Variants in PAQR6 observed in about 807,000 individuals in gnomAD.
The protein encoded by PAQR6 is membrane progestin receptor delta.
PAQR6 carries 34 observed loss-of-function variants against 36.2 expected under a neutral mutation model. That is an observed-to-expected ratio of 0.94 (90% CI 0.71 to 1.25). PAQR6 has a LOEUF of 1.25. Among genes scored for constraint, PAQR6 ranks in the 50% most tolerant of loss-of-function variants. The pLI, the probability that PAQR6 is intolerant of heterozygous loss-of-function variation, is 0.00. For missense variants in PAQR6, 431 were observed against 445.7 expected (o/e 0.97, Z 0.30); for synonymous variants, 190 against 190.7 (o/e 1.00, Z 0.03).
rs748637277 is a variant in PAQR6, at chr1:156,245,663, T to G, written c.386-2A>C. On this transcript the variant is annotated splice_acceptor_variant, in intron 4 of 7. Transcript: ENST00000292291. LOFTEE classifies it high-confidence loss of function. ...AGGCGGCATAGGGGAAGGCGCAGCCTGCGGTGAGGTGGGGGCGTGCAGCTG... is the reference window on the plus strand; with the variant it reads ...AGGCGGCATAGGGGAAGGCGCAGCCGGCGGTGAGGTGGGGGCGTGCAGCTG... 6.2e-7 allele frequency: 1 copy of G among 1,612,040 alleles called. No homozygotes were observed. Among genetic ancestry groups the G allele is most frequent in the Non-Finnish European group, 8.5e-7 (1 of 1,179,442 alleles).
chr1:156,246,591 C>T (rs534485053), intron 2 of PAQR6, 90 bp downstream of exon 2: 74 of 1,426,880 alleles, frequency 5.2e-5, no homozygotes, highest in Non-Finnish European at 6.4e-5. Flanking sequence ...GCAGGAGGGG[C>T]TGCCCCAATA....
At position 156,244,121 on chromosome 1, in the gene PAQR6, A is replaced by G; in HGVS notation, c.*8T>C. 6.2e-7 allele frequency: 1 copy of G among 1,605,314 alleles called. No individual in the cohort carries two copies. Among genetic ancestry groups the G allele is most frequent in the East Asian group, 2.2e-5 (1 of 44,700 alleles). On this transcript the variant is annotated 3_prime_UTR_variant, in exon 8 of 8. Coordinates refer to ENST00000292291, the MANE Select transcript of PAQR6 (RefSeq NM_198406.3). The stretch of plus-strand genomic sequence containing the variant: ...TGCCCCCTCCAGGACAGGGTCAGGG[A>G]TGGGGCCTCACTGTTGTTTGGCCTG...
rs372081403 is a variant in PAQR6, at chr1:156,245,735, C to G, written c.385+47G>C. On this transcript the variant is annotated intron_variant, in intron 4 of 7. Coordinates refer to ENST00000292291, the MANE Select transcript of PAQR6 (RefSeq NM_198406.3). ...ATGTCCCGCGTCCCACCCCTCGCCCCGCTCCGGGACGCCCAGACCCCGCGC... is the reference window on the plus strand; with the variant it reads ...ATGTCCCGCGTCCCACCCCTCGCCCGGCTCCGGGACGCCCAGACCCCGCGC... 8.3e-6 allele frequency: 13 copies of G among 1,569,382 alleles called. No individual in the cohort carries two copies. In the South Asian group the frequency reaches 9.2e-5, roughly 11 times the overall value.
At chr1:156,245,292 C>T in intron 5 of PAQR6, 54 bp from the exon 6 acceptor site, 2 of 1,529,014 alleles carry the variant, frequency 1.3e-6, no homozygotes, top group Non-Finnish European at 1.8e-6. Context: ...GGGTAGGGGT[C>T]AGAGAAAGGC....
At position 156,243,887 on chromosome 1, in the gene PAQR6, CT is replaced by C. The variant is rs767030207; in HGVS notation, c.*241del. 1 of 1,608,132 alleles carries C rather than the reference CT, an allele frequency of 6.2e-7. No individual in the cohort carries two copies. Among genetic ancestry groups the C allele is most frequent in the Non-Finnish European group, 8.5e-7 (1 of 1,175,484 alleles). On this transcript the variant is annotated 3_prime_UTR_variant, in exon 8 of 8. Transcript: ENST00000292291. ...CAGCCTGGACACGCATGCATCTCCC[CT>C]CTCAGACCCTCAGCACTTCTTCCAC...
intron 5 of PAQR6, 45 bp from the exon 6 acceptor site, chr1:156,245,283 G>A (rs764996049): frequency 5.8e-6 from 9 of 1,559,194 alleles, no homozygotes; most frequent in Non-Finnish European, 8.0e-6. Context: ...CTGTGCTTGG[G>A]GTAGGGGTCA....
chr1:156,245,444 G>A, intron 5 of PAQR6, 91 bp downstream of exon 5: 1 of 1,552,192 alleles, frequency 6.4e-7, no homozygotes, highest in East Asian at 2.2e-5. Flanking sequence ...ACATGGTCCC[G>A]ATGCCTCCAG....
At chr1:156,246,843 T>C in intron 1 of PAQR6, 87 bp from the exon 2 acceptor site, 1 of 1,192,158 alleles carries the variant, frequency 8.4e-7, no homozygotes, top group Non-Finnish European at 1.2e-6. Context: ...GGATGGGCTG[T>C]GCGTGTGGGA....
At chr1:156,245,298 A>G in intron 5 of PAQR6, 60 bp from the exon 6 acceptor site, 1 of 1,517,552 alleles carries the variant, frequency 6.6e-7, no homozygotes, top group Non-Finnish European at 9.1e-7. Context: ...GGGTCAGAGA[A>G]AGGCAAGAGG....
In PAQR6 at chr1:156,246,726, G is replaced by T. The variant is rs757185893; in HGVS notation, c.6C>A (p.Leu2=). 1 of 1,613,810 alleles carries T rather than the reference G, an allele frequency of 6.2e-7. No homozygotes were observed. Among genetic ancestry groups the T allele is most frequent in the Non-Finnish European group, 8.5e-7 (1 of 1,179,890 alleles). The change falls in exon 2 of 8, where the codon CTC becomes CTA. Residue 2 remains leucine, a synonymous_variant. Coordinates refer to ENST00000292291, the MANE Select transcript of PAQR6 (RefSeq NM_198406.3). M[L]SLKLPQLLQV... is the part of the protein sequence containing the mutation. ...GAAGAAGTTGGGGCAGCTTGAGACT[G>T]AGCATGGTGGCCTGGTACCTCCACG...
In PAQR6 at chr1:156,244,853, T is replaced by C. The variant is rs1468651256; in HGVS notation, c.668A>G (p.His223Arg). 7.4e-6 allele frequency: 12 copies of C among 1,613,296 alleles called. No homozygotes were observed. Among genetic ancestry groups the C allele is most frequent in the African/African-American group, 6.7e-5 (5 of 74,946 alleles). The change falls in exon 7 of 8, where the codon CAT (histidine) becomes CGT (arginine). Residue 223 changes from histidine to arginine, a missense_variant. Transcript: ENST00000292291. The part of the protein sequence containing the change: ...GCGQEALSTS[H>R]GYHLFCALLT... ...CAGCGCGCAGAAGAGATGGTAGCCA[T>C]GGCTGGTGCTCAGGGCCTCCTGCCC...
At chr1:156,247,233 G>A (rs1270243378) in intron 1 of PAQR6, among the ~76,000 whole-genome samples, 1 of 152,202 alleles carries the variant, frequency 6.6e-6, no homozygotes, top group Non-Finnish European at 1.5e-5. Context: ...CCATCAGGTG[G>A]GACAAGGAGG....
Position 156,245,149 on chromosome 1 carries a change from A to G in PAQR6, c.602T>C (p.Phe201Ser), listed in dbSNP as rs1660154513. 1.2e-6 allele frequency: 2 copies of G among 1,613,808 alleles called. No homozygotes were observed. Among genetic ancestry groups the G allele is most frequent in the South Asian group, 2.2e-5 (2 of 91,070 alleles). Residue 201 changes from phenylalanine (F) to serine (S), a missense_variant, in exon 6 of 8, where the codon TTT becomes TCT. By Grantham distance (155) the Phe-to-Ser change is radical. Coordinates refer to ENST00000292291, the MANE Select transcript of PAQR6 (RefSeq NM_198406.3). ...GGCCCTAGGCCTCCTTACCCGATAA[A>G]AGAGTGGGAGGTTGTCGAACAGGAA... ...YPFLFDNLPL[F>S]YRLGLCWGRG... is the part of the protein sequence containing the mutation.
At position 156,243,851 on chromosome 1, in the gene PAQR6, A is replaced by G; in HGVS notation, c.*278T>C. 6.3e-7 allele frequency: 1 copy of G among 1,581,738 alleles called. No individual in the cohort carries two copies. Among genetic ancestry groups the G allele is most frequent in the South Asian group, 1.2e-5 (1 of 86,780 alleles). On this transcript the variant is annotated 3_prime_UTR_variant, in exon 8 of 8. Coordinates refer to ENST00000292291, the MANE Select transcript of PAQR6 (RefSeq NM_198406.3). ...CCCCCGCCAACCTTTGACAGAATAT[A>G]GGGGCATCTTCAGCCTGGACACGCA...
chr1:156,246,039 A>G, intron 3 of PAQR6, 52 bp from the exon 4 acceptor site: 1 of 1,594,726 alleles, frequency 6.3e-7, no homozygotes, highest in Non-Finnish European at 8.5e-7. Context: ...CTGCCGCTGC[A>G]GCCCGTGGGC....
At position 156,243,357 on chromosome 1, in the gene PAQR6, G is replaced by A; in HGVS notation, c.*772C>T. 1 of 945,098 alleles carries A rather than the reference G, an allele frequency of 1.1e-6. No homozygotes were observed. Among genetic ancestry groups the A allele is most frequent in the Non-Finnish European group, 1.5e-6 (1 of 655,606 alleles). The allele number at this position is 945,098 out of a possible 1,614,324, so 58.5% of individuals were successfully genotyped here. On this transcript the variant is annotated 3_prime_UTR_variant, in exon 8 of 8. Transcript: ENST00000292291. ...AGTCTGTCCAGTTTATGGAGTGTGG[G>A]AGGGAGGTGTCAGGAGGATGGGGGT... is the stretch of plus-strand genomic sequence containing the variant.
intron 1 of PAQR6, chr1:156,247,737 G>A (rs979785416): frequency 2.8e-5 from 6 of 214,830 alleles, no homozygotes; most frequent in Admixed American, 1.2e-4. Context: ...TGGGATGGTC[G>A]GGGGTCTCCC....
chr1:156,247,254 C>T (rs1304654864), intron 1 of PAQR6, among the ~76,000 whole-genome samples: 1 of 152,226 alleles, frequency 6.6e-6, no homozygotes, highest in Non-Finnish European at 1.5e-5. Context: ...TAGGGGGATG[C>T]CTGGCTTTTC....
At chr1:156,244,447 C>A in intron 7 of PAQR6, 44 bp from the exon 8 acceptor site, 1 of 1,453,422 alleles carries the variant, frequency 6.9e-7, no homozygotes. Flanking sequence ...TTTCCCAGTG[C>A]AAGTCACCCC....
Sources: gnomAD v4.1 joint callset for allele counts (sites outside exome capture counted in the v4.1 genomes callset) on GRCh38, gnomAD v4.1.1 for gene constraint, MANE v1.5 for transcripts, NCBI Gene and HGNC (gene_info 2026-07-23, HGNC 2026-07-21) for gene names.